The following NAGPA variants were observed in gnomAD, a reference collection of about 807,000 sequenced individuals.
NAGPA encodes the protein N-acetylglucosamine-1-phosphodiester alpha-N-acetylglucosaminidase, also known as alpha-N-acetylglucosaminyl phosphodiesterase.
NAGPA carries 56 observed loss-of-function variants against 48.5 expected under a neutral mutation model. The observed-to-expected ratio is 1.15, with a 90% confidence interval of 0.93 to 1.44. NAGPA has a LOEUF of 1.44. NAGPA is among the 40% of genes most tolerant of loss of function. NAGPA has a pLI of 0.00. For missense variants in NAGPA, 888 were observed against 735.0 expected (o/e 1.21, Z -2.41); for synonymous variants, 399 against 315.5 (o/e 1.26, Z -2.81).
intron 3 of NAGPA, chr16:5,030,731 C>T: frequency 1.7e-6 from 1 of 574,728 alleles, no homozygotes; most frequent in East Asian, 3.0e-5. Flanking sequence ...CTAATGGTTT[C>T]CCCTGTTCTT....
In NAGPA at chr16:5,025,207, CG is replaced by C; in HGVS notation, c.*270del. 1 of 527,896 alleles carries C rather than the reference CG, an allele frequency of 1.9e-6. No individual in the cohort carries two copies. Among genetic ancestry groups the C allele is most frequent in the Non-Finnish European group, 3.4e-6 (1 of 291,516 alleles). The allele number at this position is 527,896 out of a possible 1,614,324, so 32.7% of individuals were successfully genotyped here. On this transcript the variant is annotated 3_prime_UTR_variant, in exon 10 of 10. Transcript: ENST00000312251. ...CTCTTTGGCAGTGCGGCAGCCCTCC[CG>C]GGGGCACGGGCTTCTCGGCAGCAGA...
At chr16:5,028,312 T>C in intron 5 of NAGPA, 127 bp from the exon 6 acceptor site, 2 of 1,525,176 alleles carry the variant, frequency 1.3e-6, no homozygotes, top group African/African-American at 1.4e-5. Context: ...AGATGGCGTC[T>C]ATCTATTTTT....
Position 5,031,685 on chromosome 16 carries a change from C to T in NAGPA, c.682+60G>A, listed in dbSNP as rs151099204. On this transcript the variant is annotated intron_variant, in intron 3 of 9. Coordinates refer to ENST00000312251, the MANE Select transcript of NAGPA (RefSeq NM_016256.4). ...TTGTTGAAAGACTTAAGAACAGCTCCGCCCAGCCCACTGGTCCTGGTTCTC... is the reference window on the plus strand; with the variant it reads ...TTGTTGAAAGACTTAAGAACAGCTCTGCCCAGCCCACTGGTCCTGGTTCTC... The T allele has an allele frequency of 1.2e-3, 1,992 of 1,609,816 alleles. 25 individuals are homozygous for T. The South Asian group carries it at 0.013, about 10-fold the overall frequency.
At chr16:5,028,799 G>A (rs1317279383) in intron 5 of NAGPA, 81 bp downstream of exon 5, 2 of 1,606,136 alleles carry the variant, frequency 1.2e-6, no homozygotes, top group African/African-American at 1.3e-5. Flanking sequence ...GCACATAGCA[G>A]GCACTCAATA....
chr16:5,029,525 C>G (rs1006880494), intron 4 of NAGPA: 26 of 203,892 alleles, frequency 1.3e-4, no homozygotes, highest in African/African-American at 6.0e-4. Flanking sequence ...AAGAGAAGAG[C>G]CCTGCCTAAC....
chr16:5,028,838 C>G (rs1257494403), intron 5 of NAGPA, 42 bp downstream of exon 5: 3 of 1,613,180 alleles, frequency 1.9e-6, no homozygotes, highest in African/African-American at 1.3e-5. Flanking sequence ...CTGGGGCAGA[C>G]CTGGACTTCA....
intron 3 of NAGPA, chr16:5,031,336 C>A: frequency 3.6e-6 from 1 of 278,938 alleles, no homozygotes; most frequent in Non-Finnish European, 7.0e-6. Context: ...ACCATGGAGG[C>A]CCGTTAAAAC....
chr16:5,031,989 A>C, intron 2 of NAGPA, 105 bp from the exon 3 acceptor site: 2 of 1,504,530 alleles, frequency 1.3e-6, no homozygotes, highest in Non-Finnish European at 1.8e-6. Context: ...ATTCCCCCTC[A>C]TGCCCCAGGA....
chr16:5,033,256 G>A lies in NAGPA; in HGVS notation c.542+17C>T, dbSNP rs1567142720. The A allele has an allele frequency of 5.1e-6, 8 of 1,579,882 alleles. No individual in the cohort carries two copies. The highest frequency in any genetic ancestry group is 6.8e-6 in the Non-Finnish European group (8 of 1,172,018). On this transcript the variant is annotated intron_variant, in intron 2 of 9. Coordinates refer to ENST00000312251, the MANE Select transcript of NAGPA (RefSeq NM_016256.4). The surrounding 1 kb of genome is among the most constrained non-coding windows in gnomAD (Gnocchi z 4.2). ...GGCCCTCTGCCCTCGACAGCACGGG[G>A]CTCCCTGCCTCCTCACCCGGTGACC...
chr16:5,033,558 C>T lies in NAGPA; in HGVS notation c.257G>A (p.Arg86Lys), dbSNP rs778638792. The change falls in exon 2 of 10, where the codon AGG (arginine) becomes AAG (lysine). Residue 86 changes from arginine to lysine, a missense_variant. Arg to Lys is a conservative substitution (Grantham distance 26, BLOSUM62 2). Transcript: ENST00000312251. This position sits in a 1 kb window ranked among gnomAD's most constrained non-coding sequence, Gnocchi z 4.2. ...CAGGTGGCCGGCCACCGCGCGGTCC[C>T]TGAAGTGCGACACGAAGGTGCGCAC... ...LAVRTFVSHFRDRAVAGHLTR... is the reference protein window; with the variant it reads ...LAVRTFVSHFKDRAVAGHLTR... 582 of 1,506,150 alleles carry T rather than the reference C, an allele frequency of 3.9e-4. 3 individuals are homozygous for T. The highest frequency in any genetic ancestry group is 6.3e-5 in the Non-Finnish European group (72 of 1,136,862). 93.3% of individuals were successfully genotyped at this position (1,506,150 alleles called of 1,614,324 possible).
Position 5,025,525 on chromosome 16 carries a change from C to A in NAGPA, c.1501G>T (p.Ala501Ser), listed in dbSNP as rs141568446. 7 of 1,613,036 alleles carry A rather than the reference C, an allele frequency of 4.3e-6. No homozygotes were observed. The highest frequency in any genetic ancestry group is 5.1e-6 in the Non-Finnish European group (6 of 1,180,028). Residue 501 changes from alanine to serine, a missense_variant, in exon 10 of 10, where the codon GCA becomes TCA. Physicochemically the swap from Ala to Ser is moderately conservative, Grantham distance 99. Coordinates refer to ENST00000312251, the MANE Select transcript of NAGPA (RefSeq NM_016256.4). ...GCGCCCCCTGGCTGCTCCTTCTCTG[C>A]GGCCAGAGGCTCCCCGTTCATCTCC... ...LQEMNGEPLAAEKEQPGGAHN... is the reference protein window; with the variant it reads ...LQEMNGEPLASEKEQPGGAHN...
At chr16:5,026,310 C>A (rs1284951419) in intron 9 of NAGPA, among the ~76,000 whole-genome samples, 1 of 149,220 alleles carries the variant, frequency 6.7e-6, no homozygotes, top group African/African-American at 2.5e-5. Context: ...CTTTGTGAGG[C>A]TTAGGCGGGC....
chr16:5,027,162 C>T lies in NAGPA; in HGVS notation c.1313G>A (p.Arg438Lys). 2 of 1,614,244 alleles carry T rather than the reference C, an allele frequency of 1.2e-6. No homozygotes were observed. The highest frequency in any genetic ancestry group is 1.7e-6 in the Non-Finnish European group (2 of 1,180,052). ...QCLQPPEATL[R>K]AGELSFFTRT... ...GGTGAAAAAGGAGAGTTCTCCCGCC[C>T]TCAGGGTGGCTTCAGGTGGCTGGAG... The change falls in exon 9 of 10, where the codon AGG becomes AAG. Residue 438 changes from arginine (R) to lysine (K), a missense_variant. Arg to Lys is a conservative substitution (Grantham distance 26, BLOSUM62 2). Coordinates refer to ENST00000312251, the MANE Select transcript of NAGPA (RefSeq NM_016256.4).
intron 7 of NAGPA, 57 bp downstream of exon 7, chr16:5,027,789 G>C: frequency 1.9e-6 from 3 of 1,547,532 alleles, no homozygotes; most frequent in Non-Finnish European, 2.6e-6. Flanking sequence ...CAGAGGAGCA[G>C]TGGGGGCTGC....
intron 4 of NAGPA, 23 bp downstream of exon 4, chr16:5,030,362 G>A (rs911344376): frequency 8.4e-6 from 13 of 1,547,242 alleles, no homozygotes; most frequent in African/African-American, 1.4e-5. Flanking sequence ...CCCGGCCGGG[G>A]GGCCTCAGCT....
rs563568796 is a variant in NAGPA at position 5,031,808 on chromosome 16, G to A, written c.619C>T (p.Arg207Cys). 19 of 1,614,052 alleles carry A rather than the reference G, an allele frequency of 1.2e-5. No homozygotes were observed. In the African/African-American group the frequency reaches 1.5e-4, roughly 12 times the overall value. ...QLLSGVVWLI[R>C]NGSIYINESQ... ...TCGTTGATGTAGATGCTTCCATTAC[G>A]AATCAGCCACACGACCCCACTCAGC... Residue 207 changes from arginine to cysteine, a missense_variant, in exon 3 of 10, where the codon CGT becomes TGT. Arg to Cys is a radical substitution (Grantham distance 180, BLOSUM62 -3). Transcript: ENST00000312251.
chr16:5,025,207 C>CG lies in NAGPA; in HGVS notation c.*270dup, dbSNP rs1955973625. On this transcript the variant is annotated 3_prime_UTR_variant, in exon 10 of 10. Transcript: ENST00000312251. The stretch of plus-strand genomic sequence containing the variant: ...CTCTTTGGCAGTGCGGCAGCCCTCC[C>CG]GGGGGCACGGGCTTCTCGGCAGCAG... The CG allele has an allele frequency of 3.8e-6, 2 of 527,914 alleles. No individual in the cohort carries two copies. The highest frequency in any genetic ancestry group is 6.9e-6 in the Non-Finnish European group (2 of 291,522). The allele number at this position is 527,914 out of a possible 1,614,324, so 32.7% of individuals were successfully genotyped here.
intron 6 of NAGPA, 32 bp from the exon 7 acceptor site, chr16:5,027,925 G>C: frequency 6.2e-7 from 1 of 1,612,280 alleles, no homozygotes; most frequent in South Asian, 1.1e-5. Context: ...GGCCAGGTGA[G>C]GGCCTAGGGC....
chr16:5,033,595 C>T lies in NAGPA; in HGVS notation c.220G>A (p.Gly74Ser). 1 of 1,487,508 alleles carries T rather than the reference C, an allele frequency of 6.7e-7. No homozygotes were observed. The highest frequency in any genetic ancestry group is 8.8e-7 in the Non-Finnish European group (1 of 1,130,502). 92.1% of individuals were successfully genotyped at this position (1,487,508 alleles called of 1,614,324 possible). The change falls in exon 2 of 10, where the codon GGC becomes AGC. Residue 74 changes from glycine (G) to serine (S), a missense_variant. Transcript: ENST00000312251. This position sits in a 1 kb window ranked among gnomAD's most constrained non-coding sequence, Gnocchi z 4.2. ...WPPPPATPGA[G>S]GLAVRTFVSH... ...ACGAAGGTGCGCACGGCCAGACCGC[C>T]GGCGCCGGGAGTCGCGGGAGGCGGA...
Sources: gnomAD v4.1 joint callset for allele counts (sites outside exome capture counted in the v4.1 genomes callset) on GRCh38, gnomAD v4.1.1 for gene constraint, Gnocchi (gnomAD v3.1) non-coding constraint, MANE v1.5 for transcripts, NCBI Gene and HGNC (gene_info 2026-07-23, HGNC 2026-07-21) for gene names.